CARM1: variants seen among roughly 807,000 people sequenced by gnomAD.
CARM1 encodes the protein coactivator associated arginine methyltransferase 1.
A neutral mutation model predicts 72.7 loss-of-function variants in CARM1; 14 were observed. That is an observed-to-expected ratio of 0.19 (90% confidence interval 0.13 to 0.30). CARM1 has a LOEUF of 0.30. Ranked by LOEUF, CARM1 falls within the 10% of genes least tolerant of loss-of-function variation. The probability of loss-of-function intolerance (pLI) is 1.00; values close to 1 mark genes in which losing one functional copy is unlikely to be tolerated. For synonymous variants in CARM1, 333 were observed against 345.5 expected (o/e 0.96, Z 0.40); for missense variants, 432 against 833.7 (o/e 0.52, Z 5.93).
intron 4 of CARM1, among the ~76,000 whole-genome samples, chr19:10,911,138 G>A (rs977903899): frequency 2.6e-5 from 4 of 151,764 alleles, no homozygotes; most frequent in Non-Finnish European, 5.9e-5. Flanking sequence ...CAGTTCATCC[G>A]CCTCAGCCTC....
chr19:10,909,024 C>A, intron 3 of CARM1, 79 bp from the exon 4 acceptor site: 1 of 1,086,382 alleles, frequency 9.2e-7, no homozygotes, highest in East Asian at 2.4e-5. Flanking sequence ...TGGCCCCTTG[C>A]TCTATCACAG....
Position 10,905,007 on chromosome 19 carries a change from G to T in CARM1, c.277G>T (p.Val93Leu). The T allele has an allele frequency of 6.2e-7, 1 of 1,614,228 alleles. No individual in the cohort carries two copies. Among genetic ancestry groups the T allele is most frequent in the Non-Finnish European group, 8.5e-7 (1 of 1,180,030 alleles). ...SVSRETECSR[V>L]GKQSFIITLG... is the part of the protein sequence containing the mutation. ...GTCCCGAGAGACAGAGTGCAGCCGT[G>T]TGGGCAAGCAGTCCTTCATCATCAC... is the stretch of plus-strand genomic sequence containing the variant. Residue 93 changes from valine (V) to leucine (L), a missense_variant, in exon 2 of 16, where the codon GTG becomes TTG. By Grantham distance (32) the Val-to-Leu change is conservative. Transcript: ENST00000327064.
At chr19:10,887,534 G>A (rs1482403689) in intron 1 of CARM1, among the ~76,000 whole-genome samples, 2 of 152,204 alleles carry the variant, frequency 1.3e-5, no homozygotes. Flanking sequence ...GGGCCTTCCT[G>A]CAGCTTTGTG....
chr19:10,881,379 T>G (rs1433025090), intron 1 of CARM1, among the ~76,000 whole-genome samples: 1 of 152,166 alleles, frequency 6.6e-6, no homozygotes, highest in African/African-American at 2.4e-5. Flanking sequence ...TACCAGTTCC[T>G]GGAGGACAGC....
rs1188269363 is a variant in CARM1, at chr19:10,922,282, G to A, written c.*525G>A. The A allele has an allele frequency of 1.3e-5, 2 of 152,722 alleles. No homozygotes were observed. Among genetic ancestry groups the A allele is most frequent in the Admixed American group, 6.5e-5 (1 of 15,288 alleles). The allele number at this position is 152,722 out of a possible 1,614,324, so 9.5% of individuals were successfully genotyped here. ...CCAGGCCGGCCGGGCCGAGCCAGCA[G>A]CCCCTCTCCCTAGACTCAGAGGCGC... On this transcript the variant is annotated 3_prime_UTR_variant, in exon 16 of 16. Coordinates refer to ENST00000327064, the MANE Select transcript of CARM1 (RefSeq NM_199141.2).
intron 6 of CARM1, among the ~76,000 whole-genome samples, chr19:10,914,529 C>T (rs1192400732): frequency 6.6e-6 from 1 of 152,194 alleles, no homozygotes; most frequent in Non-Finnish European, 1.5e-5. Context: ...CCATCCGTGC[C>T]TCTGGGTATG....
chr19:10,919,394 C>G, intron 8 of CARM1: 1 of 568,504 alleles, frequency 1.8e-6, no homozygotes, highest in Non-Finnish European at 3.1e-6. Flanking sequence ...TGGATAAACA[C>G]TTGTCATTTG....
intron 1 of CARM1, among the ~76,000 whole-genome samples, chr19:10,886,244 CG>C (rs920364202): frequency 1.3e-5 from 2 of 151,770 alleles, no homozygotes; most frequent in Non-Finnish European, 2.9e-5. Flanking sequence ...TTAGTAGAGA[CG>C]GGTTTTCTCC....
In CARM1 at chr19:10,921,550, C is replaced by T. The variant is rs909212316; in HGVS notation, c.1685-65C>T. On this transcript the variant is annotated intron_variant, in intron 15 of 15. Transcript: ENST00000327064. ...CCTCTTGCCTGCCCTTTCTCTCTCT[C>T]TGTGACTCTGCCTGGGGGCTGGGCG... 8 of 1,576,150 alleles carry T rather than the reference C, an allele frequency of 5.1e-6. No homozygotes were observed. In the Admixed American group the frequency reaches 5.4e-5, roughly 11 times the overall value.
At chr19:10,886,409 TG>T (rs1187049470) in intron 1 of CARM1, among the ~76,000 whole-genome samples, 6 of 152,108 alleles carry the variant, frequency 3.9e-5, no homozygotes, top group Admixed American at 1.3e-4. Context: ...TTGCCTAGGA[TG>T]CTCTCCAACT....
At position 10,896,193 on chromosome 19, in the gene CARM1, G is replaced by T. The variant is rs1161720381; in HGVS notation, c.221-8758G>T. On this transcript the variant is annotated intron_variant, in intron 1 of 15. Coordinates refer to ENST00000327064, the MANE Select transcript of CARM1 (RefSeq NM_199141.2). This position sits in a 1 kb window ranked among gnomAD's most constrained non-coding sequence, Gnocchi z 5.2. ...CATCTGCTCAGTGAGACCCTTGAGA[G>T]ACGTCTCCCCGTTCTTCCAAGACCC... Among the ~76,000 whole-genome samples the T allele has an allele frequency of 1.3e-5, 2 of 152,170 alleles. No individual in the cohort carries two copies. The highest frequency in any genetic ancestry group is 1.3e-4 in the Admixed American group (2 of 15,290).
rs2074162932 is a variant in CARM1, at chr19:10,912,785, TGCCGCC to T, written c.669+494_669+499del. Among the ~76,000 whole-genome samples, 1 of 152,168 alleles carries T rather than the reference TGCCGCC, an allele frequency of 6.6e-6. No homozygotes were observed. On this transcript the variant is annotated intron_variant, in intron 5 of 15. Coordinates refer to ENST00000327064, the MANE Select transcript of CARM1 (RefSeq NM_199141.2). The surrounding 1 kb of genome is among the most constrained non-coding windows in gnomAD (Gnocchi z 4.5). ...TGGAGGGGCCATCTTTGTTCTGTCT[TGCCGCC>T]GCAGAGCACCCCTGTGCCCAGCCGT...
chr19:10,872,151 G>C (rs574996071), intron 1 of CARM1, among the ~76,000 whole-genome samples: 44 of 152,138 alleles, frequency 2.9e-4, no homozygotes, highest in African/African-American at 1.0e-3. Flanking sequence ...GTGAGCAAGG[G>C]AGCGCGAAAT....
At chr19:10,893,990 C>G (rs954705741) in intron 1 of CARM1, among the ~76,000 whole-genome samples, 1 of 152,192 alleles carries the variant, frequency 6.6e-6, no homozygotes, top group Non-Finnish European at 1.5e-5. Flanking sequence ...TCTCTGCCGC[C>G]TCTTGGGCAC....
chr19:10,883,999 C>T (rs1372705650), intron 1 of CARM1, among the ~76,000 whole-genome samples: 3 of 143,168 alleles, frequency 2.1e-5, no homozygotes, highest in Non-Finnish European at 4.5e-5. Context: ...GCCTGGGTGA[C>T]AGAGCGAGAC....
At chr19:10,879,583 A>C (rs2073887046) in intron 1 of CARM1, among the ~76,000 whole-genome samples, 1 of 152,112 alleles carries the variant, frequency 6.6e-6, no homozygotes, top group Non-Finnish European at 1.5e-5. Context: ...AGGGGCTAAA[A>C]GTGGAAACAG....
chr19:10,917,494 G>C lies in CARM1; in HGVS notation c.1020+717G>C, dbSNP rs540514989. Among the ~76,000 whole-genome samples the C allele has an allele frequency of 5.9e-5, 9 of 151,958 alleles. No homozygotes were observed. In the South Asian group the frequency reaches 1.0e-3, roughly 18 times the overall value. ...TCCGTCTCAAAAAAAAAGAAAAAAA[G>C]GTTCCATTTTATTCTGTTTTCCCCC... On this transcript the variant is annotated intron_variant, in intron 8 of 15. Coordinates refer to ENST00000327064, the MANE Select transcript of CARM1 (RefSeq NM_199141.2).
intron 8 of CARM1, 52 bp from the exon 9 acceptor site, chr19:10,919,542 TC>T: frequency 7.4e-7 from 1 of 1,342,588 alleles, no homozygotes; most frequent in East Asian, 2.3e-5. Flanking sequence ...GGCTCTCCCC[TC>T]CCATGCTGGC....
chr19:10,899,919 C>A (rs2074052101), intron 1 of CARM1, among the ~76,000 whole-genome samples: 1 of 151,978 alleles, frequency 6.6e-6, no homozygotes, highest in Non-Finnish European at 1.5e-5. Context: ...CGGGGTTTTG[C>A]CATGTTGGAC....
Sources: gnomAD v4.1 joint callset for allele counts (sites outside exome capture counted in the v4.1 genomes callset) on GRCh38, gnomAD v4.1.1 for gene constraint, Gnocchi (gnomAD v3.1) non-coding constraint, MANE v1.5 for transcripts, NCBI Gene and HGNC (gene_info 2026-07-23, HGNC 2026-07-21) for gene names.